AP3S1: variants seen among roughly 807,000 people sequenced by gnomAD.
The protein encoded by AP3S1 is AP-3 complex subunit sigma-1.
Under a neutral mutation model 21.3 loss-of-function variants are expected in AP3S1, and 12 were observed. That is an observed-to-expected ratio of 0.56 (90% CI 0.36 to 0.91). The LOEUF (loss-of-function observed/expected upper bound fraction) is 0.91, where lower values mean the gene tolerates loss of function less well. Among genes scored for constraint, AP3S1 ranks in the 40% least tolerant of loss-of-function variants. The pLI, the probability that AP3S1 is intolerant of heterozygous loss-of-function variation, is 0.01. For missense variants in AP3S1, 116 were observed against 225.0 expected (o/e 0.52, Z 3.10); for synonymous variants, 48 against 78.4 (o/e 0.61, Z 2.05).
chr5:115,906,888 C>T, intron 5 of AP3S1: 1 of 1,479,144 alleles, frequency 6.8e-7, no homozygotes, highest in Non-Finnish European at 8.9e-7. Context: ...GAAATATGTA[C>T]TATAACAAAG....
intron 1 of AP3S1, among the ~76,000 whole-genome samples, chr5:115,845,948 C>A (rs1762031365): frequency 6.9e-6 from 1 of 144,530 alleles, no homozygotes; most frequent in East Asian, 2.2e-4. Context: ...TGCACAAATT[C>A]AAATGTTTTG....
At chr5:115,878,811 G>T (rs1748999643) in intron 3 of AP3S1, among the ~76,000 whole-genome samples, 1 of 152,134 alleles carries the variant, frequency 6.6e-6, no homozygotes, top group Admixed American at 6.5e-5. Context: ...TCACGATACT[G>T]ATTCTTCCTA....
At chr5:115,905,537 C>G (rs1235603331) in intron 5 of AP3S1, among the ~76,000 whole-genome samples, 2 of 152,132 alleles carry the variant, frequency 1.3e-5, no homozygotes, top group Admixed American at 1.3e-4. Context: ...GTAACGTCTG[C>G]TAATATTTTA....
At chr5:115,906,971 A>G (rs1420441168) in intron 5 of AP3S1, 1 of 1,323,518 alleles carries the variant, frequency 7.6e-7, no homozygotes. Flanking sequence ...TAATAAACCC[A>G]TATAGTCCCT....
chr5:115,884,437 C>T lies in AP3S1; in HGVS notation c.274-10650C>T, dbSNP rs144656232. On this transcript the variant is annotated intron_variant, in intron 3 of 5. Coordinates refer to ENST00000316788, the MANE Select transcript of AP3S1 (RefSeq NM_001284.4). The stretch of plus-strand genomic sequence containing the variant: ...AAAATTAGCCGGGCATGGTGGTGCG[C>T]GCCTGTAATCCCAGCTACTTGGGAG... Among the ~76,000 whole-genome samples, 1,229 of 152,228 alleles carry T rather than the reference C, an allele frequency of 8.1e-3. 24 individuals are homozygous for T. The highest frequency in any genetic ancestry group is 0.025 in the African/African-American group (1,053 of 41,546).
intron 1 of AP3S1, among the ~76,000 whole-genome samples, chr5:115,864,131 G>A (rs187339749): frequency 3.1e-3 from 469 of 152,290 alleles, no homozygotes; most frequent in African/African-American, 0.011. Flanking sequence ...TTATGATGAG[G>A]ACTATCTTTA....
chr5:115,868,840 C>T (rs538819360), intron 2 of AP3S1, among the ~76,000 whole-genome samples: 2 of 151,020 alleles, frequency 1.3e-5, no homozygotes, highest in Non-Finnish European at 2.9e-5. Flanking sequence ...TGAGATAGCA[C>T]CATTGCACTC....
rs1376184800 is a variant in AP3S1, at chr5:115,847,297, TTTC to T, written c.69+5199_69+5201del. Among the ~76,000 whole-genome samples, 4 of 152,190 alleles carry T rather than the reference TTTC, an allele frequency of 2.6e-5. No individual in the cohort carries two copies. In the East Asian group the frequency reaches 5.8e-4, roughly 22 times the overall value. The stretch of plus-strand genomic sequence containing the variant: ...TGGGTAGGCAAACAAGGGTCTGCTA[TTTC>T]TTCTTCTAAACTTTTAAAAAAATAT... On this transcript the variant is annotated intron_variant, in intron 1 of 5. Coordinates refer to ENST00000316788, the MANE Select transcript of AP3S1 (RefSeq NM_001284.4).
chr5:115,853,458 T>A (rs1762588184), intron 1 of AP3S1, among the ~76,000 whole-genome samples: 1 of 152,170 alleles, frequency 6.6e-6, no homozygotes, highest in Non-Finnish European at 1.5e-5. Flanking sequence ...AGCACAGTGG[T>A]TTTGAATTTT....
intron 3 of AP3S1, among the ~76,000 whole-genome samples, chr5:115,882,612 C>T (rs536084311): frequency 1.4e-4 from 22 of 152,292 alleles, no homozygotes; most frequent in Middle Eastern, 3.4e-3. Flanking sequence ...CCAGCCAGAG[C>T]TCTCCTGTAT....
intron 5 of AP3S1, chr5:115,903,488 G>T (rs1258832014): frequency 6.5e-6 from 1 of 152,794 alleles, no homozygotes; most frequent in Non-Finnish European, 1.5e-5. Flanking sequence ...ATTCAAAAAA[G>T]AAATTCAATA....
intron 3 of AP3S1, among the ~76,000 whole-genome samples, chr5:115,879,427 A>G (rs969772220): frequency 3.3e-5 from 5 of 152,162 alleles, no homozygotes; most frequent in Admixed American, 2.0e-4. Context: ...AATTTTATCA[A>G]AGGCCTTTTC....
rs1219715278 is a variant in AP3S1 at position 115,842,098 on chromosome 5, C to A, written c.61C>A (p.Gln21Lys). Residue 21 changes from glutamine (Q) to lysine (K), a missense_variant, in exon 1 of 6, where the codon CAG becomes AAG. Gln to Lys is a moderately conservative substitution (Grantham distance 53). Transcript: ENST00000316788. ...HGKPRLSKFYQPYSEDTQQQI... is the reference protein window; with the variant it reads ...HGKPRLSKFYKPYSEDTQQQI... ...GAAGCCGCGGCTCTCCAAGTTCTACCAGCCCTACGTGAGTATCCAGCCGCC... is the reference window on the plus strand; with the variant it reads ...GAAGCCGCGGCTCTCCAAGTTCTACAAGCCCTACGTGAGTATCCAGCCGCC... 38 of 1,563,612 alleles carry A rather than the reference C, an allele frequency of 2.4e-5. No individual in the cohort carries two copies. The highest frequency in any genetic ancestry group is 3.0e-5 in the Non-Finnish European group (35 of 1,157,258).
At chr5:115,905,941 A>G (rs913133944) in intron 5 of AP3S1, among the ~76,000 whole-genome samples, 20 of 152,204 alleles carry the variant, frequency 1.3e-4, no homozygotes, top group African/African-American at 4.8e-4. Flanking sequence ...TGCTCACCTG[A>G]GGTCAGGAGT....
intron 5 of AP3S1, 147 bp from the exon 6 acceptor site, chr5:115,913,215 A>G (rs1028133914): frequency 2.5e-5 from 16 of 646,686 alleles, no homozygotes; most frequent in Non-Finnish European, 3.3e-5. Context: ...TTTCAAAGTA[A>G]CCATTCCATA....
rs145119571 is a variant in AP3S1, at chr5:115,864,581, G to A, written c.70-2089G>A. Among the ~76,000 whole-genome samples the A allele has an allele frequency of 1.5e-3, 227 of 152,326 alleles. 2 individuals are homozygous for A. The highest frequency in any genetic ancestry group is 5.2e-3 in the African/African-American group (217 of 41,564). ...TGTTGTTATAGAAAAAGCTGTGAAA[G>A]CCATGAGGCCTGAAACAGTGCATTC... On this transcript the variant is annotated intron_variant, in intron 1 of 5. Transcript: ENST00000316788.
rs528218415 is a variant in AP3S1 at position 115,874,566 on chromosome 5, T to G, written c.273+4438T>G. On this transcript the variant is annotated intron_variant, in intron 3 of 5. Coordinates refer to ENST00000316788, the MANE Select transcript of AP3S1 (RefSeq NM_001284.4). ...TTAAAAAAACAACAAAATTGAGAAC[T>G]AACAGCTAAACTTTCTTTAGGTTTA... Among the ~76,000 whole-genome samples, 12 of 152,228 alleles carry G rather than the reference T, an allele frequency of 7.9e-5. No individual in the cohort carries two copies. In the South Asian group the frequency reaches 2.5e-3, roughly 32 times the overall value.
At chr5:115,861,714 C>G (rs145133615) in intron 1 of AP3S1, among the ~76,000 whole-genome samples, 1 of 151,786 alleles carries the variant, frequency 6.6e-6, no homozygotes, top group African/African-American at 2.4e-5. Flanking sequence ...ACTACCATGC[C>G]TGGGTAATTT....
intron 5 of AP3S1, among the ~76,000 whole-genome samples, chr5:115,905,485 CTGAT>C (rs1476137924): frequency 6.6e-6 from 1 of 152,034 alleles, no homozygotes; most frequent in Non-Finnish European, 1.5e-5. Context: ...TGTTTTAAGT[CTGAT>C]TGGGGATAAA....
Sources: allele counts gnomAD v4.1 joint callset (sites outside exome capture counted in the v4.1 genomes callset), GRCh38; gene constraint gnomAD v4.1.1; transcripts MANE v1.5; gene names NCBI Gene and HGNC (gene_info 2026-07-23, HGNC 2026-07-21).